The following MIR2052HG variants were observed in gnomAD, a reference collection of about 807,000 sequenced individuals.
MIR2052HG encodes MIR2052 host gene.
Position 74,602,817 on chromosome 8 carries a change from GTTTCTTTCTTTCTTTC to G in MIR2052HG, n.128+2953_128+2968del, listed in dbSNP as rs58455200. Among the ~76,000 whole-genome samples, 408 of 73,848 alleles carry G rather than the reference GTTTCTTTCTTTCTTTC, an allele frequency of 5.5e-3. 11 individuals are homozygous for G. The highest frequency in any genetic ancestry group is 0.042 in the Admixed American group (308 of 7,380). 48.4% of individuals were successfully genotyped at this position (73,848 alleles called of 152,430 possible). A position where few individuals can be genotyped will look rare whatever the true frequency, so the allele number is the denominator to read the frequency against. On this transcript the variant is annotated intron_variant and non_coding_transcript_variant, in intron 1 of 6. Transcript: ENST00000523442. ...GATGTGAGCTGCCATGCCCGGCCGT[GTTTCTTTCTTTCTTTC>G]TTTCTTTCTTTCTTTCTTTCTTTCT... is the stretch of plus-strand genomic sequence containing the variant.
At chr8:74,645,850 C>A (rs529136490) in intron 2 of MIR2052HG, among the ~76,000 whole-genome samples, 22 of 152,310 alleles carry the variant, frequency 1.4e-4, no homozygotes, top group Admixed American at 9.8e-4. Context: ...TCTGATTTGC[C>A]TGAGAAAATC....
chr8:74,656,459 A>T (rs1226602865), intron 2 of MIR2052HG, among the ~76,000 whole-genome samples: 1 of 152,170 alleles, frequency 6.6e-6, no homozygotes, highest in Non-Finnish European at 1.5e-5. Context: ...TGTGATAGTG[A>T]ATAAGTCTCA....
At chr8:74,665,391 A>G (rs1318626859) in intron 2 of MIR2052HG, among the ~76,000 whole-genome samples, 2 of 152,242 alleles carry the variant, frequency 1.3e-5, no homozygotes, top group Admixed American at 6.5e-5. Context: ...GGCTCCATGT[A>G]TTCACCTCCA....
At chr8:74,677,836 T>G (rs1007459823) in intron 2 of MIR2052HG, among the ~76,000 whole-genome samples, 1 of 152,004 alleles carries the variant, frequency 6.6e-6, no homozygotes, top group African/African-American at 2.4e-5. Context: ...TAAAAAAAAT[T>G]TATAAACTAG....
intron 2 of MIR2052HG, among the ~76,000 whole-genome samples, chr8:74,680,620 G>A (rs1228544290): frequency 6.6e-6 from 1 of 152,182 alleles, no homozygotes; most frequent in Non-Finnish European, 1.5e-5. Flanking sequence ...TGGTGGGACT[G>A]TAAACTAGTT....
intron 2 of MIR2052HG, among the ~76,000 whole-genome samples, chr8:74,615,923 C>T (rs1394736931): frequency 6.6e-6 from 1 of 152,102 alleles, no homozygotes; most frequent in Non-Finnish European, 1.5e-5. Context: ...CATCCATGTC[C>T]CTACAAAGGA....
At chr8:74,655,333 G>T (rs536168865) in intron 2 of MIR2052HG, among the ~76,000 whole-genome samples, 1 of 152,150 alleles carries the variant, frequency 6.6e-6, no homozygotes, top group African/African-American at 2.4e-5. Flanking sequence ...TGTCTCCAGG[G>T]CATGTCATAG....
intron 2 of MIR2052HG, among the ~76,000 whole-genome samples, chr8:74,622,767 G>T (rs1418659633): frequency 1.3e-5 from 2 of 151,878 alleles, no homozygotes; most frequent in East Asian, 3.9e-4. Flanking sequence ...GGGAAAAAAC[G>T]AGGCACACTG....
In MIR2052HG at chr8:74,699,463, A is replaced by G. The variant is rs185534417; in HGVS notation, n.217-2916A>G. Reference sequence around the variant, plus strand: ...ACCATGGAATCATACTCAGTCATAAAAAGGAACAAAATAATGGCATTCGCA... The same window carrying G: ...ACCATGGAATCATACTCAGTCATAAGAAGGAACAAAATAATGGCATTCGCA... On this transcript the variant is annotated intron_variant and non_coding_transcript_variant, in intron 2 of 6. Transcript: ENST00000523442. Among the ~76,000 whole-genome samples the G allele has an allele frequency of 2.9e-4, 44 of 152,010 alleles. No individual in the cohort carries two copies. In the Middle Eastern group the frequency reaches 0.014, roughly 47 times the overall value.
At chr8:74,719,849 C>CTTTTTTTTTTTTCTTTTTTCT (rs1809556949) in intron 4 of MIR2052HG, among the ~76,000 whole-genome samples, 1 of 106,718 alleles carries the variant, frequency 9.4e-6, no homozygotes, top group African/African-American at 3.5e-5. Flanking sequence ...TTTCTTTTTT[C>CTTTTTTTTTTTTCTTTTTTCT]TTTTTTTTTT....
intron 4 of MIR2052HG, among the ~76,000 whole-genome samples, chr8:74,726,266 C>T (rs1055183593): frequency 1.3e-5 from 2 of 152,168 alleles, no homozygotes; most frequent in Non-Finnish European, 1.5e-5. Context: ...TTTTGAAAAA[C>T]AGACTCTAAA....
At chr8:74,692,090 T>G (rs1031108553) in intron 2 of MIR2052HG, among the ~76,000 whole-genome samples, 1 of 152,172 alleles carries the variant, frequency 6.6e-6, no homozygotes, top group Non-Finnish European at 1.5e-5. Context: ...TTCTTTCTTT[T>G]CTTTTCTTTT....
chr8:74,695,135 G>A (rs1809282769), intron 2 of MIR2052HG, among the ~76,000 whole-genome samples: 1 of 152,146 alleles, frequency 6.6e-6, no homozygotes, highest in Admixed American at 6.5e-5. Context: ...AAGCTGGAAA[G>A]GATTTGTGCC....
intron 4 of MIR2052HG, among the ~76,000 whole-genome samples, chr8:74,730,114 C>A (rs1156605693): frequency 6.6e-6 from 1 of 152,088 alleles, no homozygotes; most frequent in East Asian, 1.9e-4. Flanking sequence ...TGCTAGATCT[C>A]CTTTCAGTAT....
At chr8:74,684,707 G>A (rs1423966252) in intron 2 of MIR2052HG, among the ~76,000 whole-genome samples, 4 of 151,994 alleles carry the variant, frequency 2.6e-5, no homozygotes, top group Non-Finnish European at 5.9e-5. Flanking sequence ...TTATTAGTTT[G>A]GGTTAAGAAC....
intron 2 of MIR2052HG, among the ~76,000 whole-genome samples, chr8:74,678,787 T>C (rs910646047): frequency 2.6e-5 from 4 of 151,980 alleles, no homozygotes; most frequent in African/African-American, 4.8e-5. Context: ...AAAAGAACTG[T>C]ATGGGAATGA....
intron 2 of MIR2052HG, among the ~76,000 whole-genome samples, chr8:74,652,866 GCTGA>G (rs1808767685): frequency 6.6e-6 from 1 of 152,184 alleles, no homozygotes; most frequent in Non-Finnish European, 1.5e-5. Flanking sequence ...GAAGTGGGTA[GCTGA>G]CTGCAGCAGA....
chr8:74,655,343 G>C (rs1433301358), intron 2 of MIR2052HG, among the ~76,000 whole-genome samples: 1 of 152,196 alleles, frequency 6.6e-6, no homozygotes, highest in Non-Finnish European at 1.5e-5. Flanking sequence ...GCATGTCATA[G>C]GTCTTCATGG....
chr8:74,721,950 C>T (rs1022676321), intron 4 of MIR2052HG, among the ~76,000 whole-genome samples: 4 of 152,252 alleles, frequency 2.6e-5, no homozygotes, highest in African/African-American at 7.2e-5. Context: ...CCCAGCACTT[C>T]AGGAGGATGA....
Sources: gnomAD v4.1 joint callset for allele counts (sites outside exome capture counted in the v4.1 genomes callset) on GRCh38, gnomAD v4.1.1 for gene constraint, MANE v1.5 for transcripts, NCBI Gene and HGNC (gene_info 2026-07-23, HGNC 2026-07-21) for gene names.